KIAA0232: variants seen among roughly 807,000 people sequenced by gnomAD.
The protein encoded by KIAA0232 is KIAA0232.
Under a neutral mutation model 122.0 loss-of-function variants are expected in KIAA0232, and 27 were observed. The observed-to-expected ratio is 0.22, with a 90% CI of 0.16 to 0.31. The LOEUF (loss-of-function observed/expected upper bound fraction) is 0.31. Among genes scored for constraint, KIAA0232 ranks in the 10% least tolerant of loss-of-function variants. KIAA0232 has a pLI of 1.00. For synonymous variants in KIAA0232, 613 were observed against 587.6 expected (o/e 1.04, Z -0.63); for missense variants, 1,551 against 1,634.2 (o/e 0.95, Z 0.88).
At chr4:6,823,246 CAT>C (rs1200186637) in intron 2 of KIAA0232, among the ~76,000 whole-genome samples, 1 of 151,998 alleles carries the variant, frequency 6.6e-6, no homozygotes, top group Non-Finnish European at 1.5e-5. Flanking sequence ...CATACGTGTG[CAT>C]ATGTCTTTAT....
chr4:6,877,651 G>T (rs901541568), intron 9 of KIAA0232, among the ~76,000 whole-genome samples: 1 of 152,144 alleles, frequency 6.6e-6, no homozygotes. Context: ...CATGGGAGAA[G>T]ATGTAGGCTG....
At chr4:6,879,186 C>T (rs1229321886) in intron 9 of KIAA0232, among the ~76,000 whole-genome samples, 1 of 152,204 alleles carries the variant, frequency 6.6e-6, no homozygotes, top group African/African-American at 2.4e-5. Flanking sequence ...TTCCAGCCTT[C>T]TCTCCACACA....
At chr4:6,827,783 G>A (rs1040416404) in intron 3 of KIAA0232, among the ~76,000 whole-genome samples, 2 of 152,136 alleles carry the variant, frequency 1.3e-5, no homozygotes, top group Admixed American at 1.3e-4. Context: ...TTGTGGTGGT[G>A]GGCTGGTTAC....
Position 6,867,522 on chromosome 4 carries a change from G to A in KIAA0232, c.3801+3339G>A, listed in dbSNP as rs192567276. Among the ~76,000 whole-genome samples the A allele has an allele frequency of 3.3e-3, 500 of 152,282 alleles. 5 individuals carry two copies. Among genetic ancestry groups the A allele is most frequent in the Non-Finnish European group, 2.2e-3 (151 of 68,016 alleles). On this transcript the variant is annotated intron_variant, in intron 7 of 9. Transcript: ENST00000307659. Reference sequence around the variant, plus strand: ...CATTTGTGGTGAAAATGTTCTTGTCGTTTCTTTGGTTGCCAACTTAGTACC... The same window carrying A: ...CATTTGTGGTGAAAATGTTCTTGTCATTTCTTTGGTTGCCAACTTAGTACC...
At chr4:6,825,834 T>TTA (rs766205158) in intron 3 of KIAA0232, among the ~76,000 whole-genome samples, 1 of 152,182 alleles carries the variant, frequency 6.6e-6, no homozygotes, top group Non-Finnish European at 1.5e-5. Context: ...TAAACCATCG[T>TTA]TACCCACACT....
In KIAA0232 at chr4:6,821,931, T is replaced by G. The variant is rs574551442; in HGVS notation, c.-269-2254T>G. On this transcript the variant is annotated intron_variant, in intron 2 of 9. Coordinates refer to ENST00000307659, the MANE Select transcript of KIAA0232 (RefSeq NM_014743.3). Reference sequence around the variant, plus strand: ...AGTTTTTGCTCCATTATCTGCTCACTTGCATTGTTTCCAGCAAGAAAACTG... The same window carrying G: ...AGTTTTTGCTCCATTATCTGCTCACGTGCATTGTTTCCAGCAAGAAAACTG... Among the ~76,000 whole-genome samples the G allele has an allele frequency of 1.9e-4, 29 of 152,254 alleles. 1 individual carries two copies. In the South Asian group the frequency reaches 6.0e-3, roughly 32 times the overall value.
Position 6,790,439 on chromosome 4 carries a change from G to A in KIAA0232, c.-354+7598G>A, listed in dbSNP as rs550239040. Among the ~76,000 whole-genome samples the A allele has an allele frequency of 2.2e-3, 310 of 143,856 alleles. 1 individual carries two copies. Among genetic ancestry groups the A allele is most frequent in the African/African-American group, 7.9e-3 (304 of 38,434 alleles). The allele number at this position is 143,856 out of a possible 152,430, so 94.4% of individuals were successfully genotyped here. On this transcript the variant is annotated intron_variant, in intron 1 of 9. Transcript: ENST00000307659. ...AGGCAGAGTCTCACTCTGTCACCGAGGCTGGAGTGCGGTGGCACGATCACA... is the reference window on the plus strand; with the variant it reads ...AGGCAGAGTCTCACTCTGTCACCGAAGCTGGAGTGCGGTGGCACGATCACA...
chr4:6,864,226 G>T lies in KIAA0232; in HGVS notation c.3801+43G>T, dbSNP rs780164635. The T allele has an allele frequency of 5.2e-6, 8 of 1,541,130 alleles. No individual in the cohort carries two copies. The Admixed American group carries it at 1.4e-4, about 28-fold the overall frequency. On this transcript the variant is annotated intron_variant, in intron 7 of 9. Transcript: ENST00000307659. ...GGTATTTGACAAAAGGATTTGATCA[G>T]AGTTTAACCCAAGAACAGACATGCC...
At chr4:6,846,994 A>G (rs1720000184) in intron 4 of KIAA0232, among the ~76,000 whole-genome samples, 1 of 152,212 alleles carries the variant, frequency 6.6e-6, no homozygotes, top group African/African-American at 2.4e-5. Flanking sequence ...CTAATTGGTC[A>G]CAATCAAAAA....
chr4:6,813,249 A>G (rs1189239792), intron 2 of KIAA0232, among the ~76,000 whole-genome samples: 5 of 152,200 alleles, frequency 3.3e-5, no homozygotes, highest in Admixed American at 6.5e-5. Flanking sequence ...CACTGCTCCA[A>G]AAAACCCTTC....
At chr4:6,834,095 T>C (rs1719138532) in intron 3 of KIAA0232, among the ~76,000 whole-genome samples, 1 of 152,076 alleles carries the variant, frequency 6.6e-6, no homozygotes, top group Non-Finnish European at 1.5e-5. Context: ...TCTTTTCTTA[T>C]TATTATTATT....
At chr4:6,840,427 G>T (rs1719584350) in intron 3 of KIAA0232, among the ~76,000 whole-genome samples, 1 of 152,192 alleles carries the variant, frequency 6.6e-6, no homozygotes, top group African/African-American at 2.4e-5. Context: ...AGGGGCGTAT[G>T]CTCAGCAGCT....
chr4:6,821,688 G>A (rs11933637), intron 2 of KIAA0232, among the ~76,000 whole-genome samples: 3 of 7,760 alleles, frequency 3.9e-4, no homozygotes, highest in African/African-American at 5.8e-4. Flanking sequence ...ATGTATATAT[G>A]TGTGTGTGTG....
chr4:6,823,858 A>C (rs758785391), intron 2 of KIAA0232, among the ~76,000 whole-genome samples: 1 of 152,200 alleles, frequency 6.6e-6, no homozygotes, highest in Non-Finnish European at 1.5e-5. Context: ...TTATTTATAA[A>C]GACAATGTCT....
chr4:6,879,829 C>CTCA (rs1187867154), intron 9 of KIAA0232, among the ~76,000 whole-genome samples: 60 of 139,862 alleles, frequency 4.3e-4, no homozygotes, highest in Non-Finnish European at 6.2e-4. Flanking sequence ...GCAGTGCCCC[C>CTCA]CCTCACCATC....
chr4:6,827,835 C>A (rs141908281), intron 3 of KIAA0232, among the ~76,000 whole-genome samples: 9 of 151,982 alleles, frequency 5.9e-5, no homozygotes, highest in Middle Eastern at 3.4e-3. Context: ...TATGGAGATA[C>A]GGTCACTGTG....
At chr4:6,871,828 A>T (rs1721506936) in intron 8 of KIAA0232, 146 bp downstream of exon 8, 1 of 605,940 alleles carries the variant, frequency 1.7e-6, no homozygotes, top group African/African-American at 1.9e-5. Flanking sequence ...CTGGGGACAC[A>T]GGGAGGAATG....
rs778329271 is a variant in KIAA0232, at chr4:6,863,791, A to G, written c.3409A>G (p.Ile1137Val). The G allele has an allele frequency of 6.2e-6, 10 of 1,614,220 alleles. No individual in the cohort carries two copies. The highest frequency in any genetic ancestry group is 1.6e-4 in the Middle Eastern group (1 of 6,062). The change falls in exon 7 of 10, where the codon ATT becomes GTT. Residue 1137 changes from isoleucine to valine, a missense_variant. By Grantham distance (29) the Ile-to-Val change is conservative. Around this residue, in one of 5 missense-constraint regions of KIAA0232, gnomAD observed 1,108 missense variants for 1,154.8 expected, o/e 0.96. Transcript: ENST00000307659. ...TGAGAAAGATGAAGCAAATATTCCCATTCCTTCTCAAGTTGATATATTTGA... is the reference window on the plus strand; with the variant it reads ...TGAGAAAGATGAAGCAAATATTCCCGTTCCTTCTCAAGTTGATATATTTGA... ...ESEKDEANIP[I>V]PSQVDIFEDP...
rs754755931 is a variant in KIAA0232, at chr4:6,863,198, C to A, written c.2816C>A (p.Thr939Asn). The A allele has an allele frequency of 1.2e-6, 2 of 1,613,810 alleles. No homozygotes were observed. Among genetic ancestry groups the A allele is most frequent in the African/African-American group, 1.3e-5 (1 of 74,910 alleles). The change falls in exon 7 of 10, where the codon ACC becomes AAC. Residue 939 changes from threonine (T) to asparagine (N), a missense_variant. Physicochemically the swap from Thr to Asn is moderately conservative, Grantham distance 65 (BLOSUM62 0). Transcript: ENST00000307659. ...GGAGGAGTTTATGGAGAACTCAAAA[C>A]CTTCAATAGTGATGGGGAGTGGGCA... ...ILGGVYGELK[T>N]FNSDGEWAVV...
Sources: allele counts gnomAD v4.1 joint callset (sites outside exome capture counted in the v4.1 genomes callset), GRCh38; gene constraint gnomAD v4.1.1; regional missense constraint gnomAD v4.1.1; transcripts MANE v1.5; gene names NCBI Gene and HGNC (gene_info 2026-07-23, HGNC 2026-07-21).